SHE: variants seen among roughly 807,000 people sequenced by gnomAD.
The protein encoded by SHE is Src homology 2 domain containing E, also known as SH2 domain-containing adapter protein E.
Under a neutral mutation model 49.8 loss-of-function variants are expected in SHE, and 11 were observed. That is an observed-to-expected ratio of 0.22 (90% CI 0.14 to 0.37). SHE has a LOEUF of 0.37. Ranked by LOEUF, SHE falls within the 10% of genes least tolerant of loss-of-function variation. SHE has a pLI of 1.00. For synonymous variants in SHE, 310 were observed against 278.1 expected (o/e 1.11, Z -1.14); for missense variants, 624 against 655.5 (o/e 0.95, Z 0.52).
At chr1:154,489,414 A>C in intron 2 of SHE, 58 bp from the exon 3 acceptor site, 2 of 1,560,120 alleles carry the variant, frequency 1.3e-6, no homozygotes, top group Non-Finnish European at 1.7e-6. Context: ...CTTGAAAGCA[A>C]AGATGCCATA....
At chr1:154,471,608 T>C (rs1218629956) in intron 1 of SHE, among the ~76,000 whole-genome samples, 1 of 151,976 alleles carries the variant, frequency 6.6e-6, no homozygotes, top group East Asian at 1.9e-4. Flanking sequence ...ACACCACTAG[T>C]TCAGCCATGT....
chr1:154,479,757 T>C lies in SHE; in HGVS notation c.*4392A>G. 1 of 985,442 alleles carries C rather than the reference T, an allele frequency of 1.0e-6. No individual in the cohort carries two copies. The highest frequency in any genetic ancestry group is 1.2e-6 in the Non-Finnish European group (1 of 829,916). 61.0% of individuals were successfully genotyped at this position (985,442 alleles called of 1,614,324 possible). ...CAAAATGAGACGCCTGTTTCAATGA[T>C]TCTGTTGCCAGCATATTAATTAAAA... is the stretch of plus-strand genomic sequence containing the variant. On this transcript the variant is annotated 3_prime_UTR_variant, in exon 6 of 6. Transcript: ENST00000304760.
chr1:154,484,158 C>T lies in SHE; in HGVS notation c.1479G>A (p.Lys493=). ...TTGCAGTGGCTGAATCTTAGTGAAGCTTGCTGTGCACTGGGTAGAGTAAAG... is the reference window on the plus strand; with the variant it reads ...TTGCAGTGGCTGAATCTTAGTGAAGTTTGCTGTGCACTGGGTAGAGTAAAG... The part of the protein sequence containing the change: ...HMTLLYPVHS[K]LH The change falls in exon 6 of 6, where the codon AAG becomes AAA. Residue 493 remains lysine, a synonymous_variant. Coordinates refer to ENST00000304760, the MANE Select transcript of SHE (RefSeq NM_001010846.3). 2 of 1,612,760 alleles carry T rather than the reference C, an allele frequency of 1.2e-6. No individual in the cohort carries two copies. Among genetic ancestry groups the T allele is most frequent in the African/African-American group, 1.3e-5 (1 of 75,038 alleles).
chr1:154,487,808 C>T (rs1692226893), intron 3 of SHE, among the ~76,000 whole-genome samples: 1 of 149,616 alleles, frequency 6.7e-6, no homozygotes, highest in Non-Finnish European at 1.5e-5. Context: ...CATGATCACA[C>T]CAACGCACTC....
intron 3 of SHE, among the ~76,000 whole-genome samples, chr1:154,488,065 G>A (rs1020240331): frequency 2.7e-5 from 4 of 149,598 alleles, no homozygotes; most frequent in African/African-American, 4.9e-5. Context: ...TTAGCTTCTC[G>A]AGCTGTAGCT....
chr1:154,476,960 G>C (rs559179560), downstream of SHE, among the ~76,000 whole-genome samples: 7 of 152,182 alleles, frequency 4.6e-5, no homozygotes, highest in African/African-American at 1.7e-4. Flanking sequence ...TCACAAAGGG[G>C]AAGTAATTCT....
downstream of SHE, among the ~76,000 whole-genome samples, chr1:154,476,636 A>G (rs1457149546): frequency 6.6e-6 from 1 of 152,180 alleles, no homozygotes; most frequent in Non-Finnish European, 1.5e-5. Flanking sequence ...TGTCTCAAAA[A>G]AAAAGTAAAG....
chr1:154,502,032 G>T lies in SHE; in HGVS notation c.-6C>A. Reference sequence around the variant, plus strand: ...GGGGTCGGGGACCACTGCATTCCCCGTGACTGGGGCGCTGGAGGCCGCGGC... The same window carrying T: ...GGGGTCGGGGACCACTGCATTCCCCTTGACTGGGGCGCTGGAGGCCGCGGC... On this transcript the variant is annotated 5_prime_UTR_variant, in exon 1 of 6. Coordinates refer to ENST00000304760, the MANE Select transcript of SHE (RefSeq NM_001010846.3). 9 of 1,310,630 alleles carry T rather than the reference G, an allele frequency of 6.9e-6. No homozygotes were observed. The highest frequency in any genetic ancestry group is 8.7e-6 in the Non-Finnish European group (9 of 1,035,008). 81.2% of individuals were successfully genotyped at this position (1,310,630 alleles called of 1,614,324 possible). A position where few individuals can be genotyped will look rare whatever the true frequency, so the allele number is the denominator to read the frequency against.
Position 154,483,302 on chromosome 1 carries a change from T to C in SHE, c.*847A>G, listed in dbSNP as rs1470947584. On this transcript the variant is annotated 3_prime_UTR_variant, in exon 6 of 6. Coordinates refer to ENST00000304760, the MANE Select transcript of SHE (RefSeq NM_001010846.3). ...TAATCCTTAGGCCACACTCTGAAGT[T>C]GCGGATTTCCATGAACTCCAGAGCT... The C allele has an allele frequency of 1.0e-6, 1 of 985,302 alleles. No homozygotes were observed. Among genetic ancestry groups the C allele is most frequent in the Non-Finnish European group, 1.2e-6 (1 of 829,934 alleles). The allele number at this position is 985,302 out of a possible 1,614,324, so 61.0% of individuals were successfully genotyped here.
intron 2 of SHE, among the ~76,000 whole-genome samples, chr1:154,497,800 C>T (rs888137237): frequency 5.9e-5 from 9 of 152,126 alleles, no homozygotes; most frequent in Non-Finnish European, 1.2e-4. Flanking sequence ...CCTGCCTCAG[C>T]CTCCTGAGCA....
In SHE at chr1:154,481,585, T is replaced by C. The variant is rs1388437062; in HGVS notation, c.*2564A>G. Reference sequence around the variant, plus strand: ...AAATCATTTAGTGCACAAAGAAAAATTGTATAAAGCTTTTAGCATTTATTA... The same window carrying C: ...AAATCATTTAGTGCACAAAGAAAAACTGTATAAAGCTTTTAGCATTTATTA... On this transcript the variant is annotated 3_prime_UTR_variant, in exon 6 of 6. Coordinates refer to ENST00000304760, the MANE Select transcript of SHE (RefSeq NM_001010846.3). 8.1e-6 allele frequency: 8 copies of C among 985,192 alleles called. No homozygotes were observed. Among genetic ancestry groups the C allele is most frequent in the African/African-American group, 1.7e-5 (1 of 57,212 alleles). The allele number at this position is 985,192 out of a possible 1,614,324, so 61.0% of individuals were successfully genotyped here. A position where few individuals can be genotyped will look rare whatever the true frequency, so the allele number is the denominator to read the frequency against.
chr1:154,484,212 C>T lies in SHE; in HGVS notation c.1425G>A (p.Lys475=), dbSNP rs748038756. The T allele has an allele frequency of 9.3e-6, 15 of 1,614,184 alleles. No individual in the cohort carries two copies. The highest frequency in any genetic ancestry group is 1.3e-5 in the Non-Finnish European group (15 of 1,180,028). The change falls in exon 6 of 6, where the codon AAG becomes AAA. Residue 475 remains lysine (K), a synonymous_variant. Transcript: ENST00000304760. ...TGTGTTCTGCCCCTTTGAAAGGCAA[C>T]TTTTCATTGGAATAATAGTGTACCA... ...PEVVHYYSNE[K]LPFKGAEHMT... is the part of the protein sequence containing the mutation.
intron 2 of SHE, among the ~76,000 whole-genome samples, chr1:154,494,212 A>C (rs763726021): frequency 2.0e-5 from 3 of 152,172 alleles, no homozygotes; most frequent in Non-Finnish European, 4.4e-5. Flanking sequence ...ATATTTTCTT[A>C]TTGAATAAAT....
At chr1:154,501,210 CTAGTACATTTCTGCA>C (rs1448030117) in intron 1 of SHE, among the ~76,000 whole-genome samples, 5 of 152,272 alleles carry the variant, frequency 3.3e-5, no homozygotes, top group Admixed American at 3.3e-4. Context: ...AATTCAATGG[CTAGTACATTTCTGCA>C]AAACTCCCCA....
In SHE at chr1:154,495,265, T is replaced by C. The variant is rs1692490499; in HGVS notation, c.718+3847A>G. Among the ~76,000 whole-genome samples the C allele has an allele frequency of 2.0e-5, 3 of 152,240 alleles. 1 individual carries two copies. The South Asian group carries it at 6.2e-4, about 32-fold the overall frequency. ...CTAAAACTCCTAATGCTAGATTATG[T>C]AGAATATTTCTGCCAAATATTTAGC... On this transcript the variant is annotated intron_variant, in intron 2 of 5. Transcript: ENST00000304760.
At chr1:154,485,681 A>C in intron 5 of SHE, 1 of 358,158 alleles carries the variant, frequency 2.8e-6, no homozygotes, top group Admixed American at 3.7e-5. Context: ...CAGATTAGGT[A>C]ATGTAAGGTA....
At position 154,480,081 on chromosome 1, in the gene SHE, T is replaced by C; in HGVS notation, c.*4068A>G. The C allele has an allele frequency of 1.0e-6, 1 of 985,508 alleles. No homozygotes were observed. The highest frequency in any genetic ancestry group is 4.7e-5 in the South Asian group (1 of 21,290). The allele number at this position is 985,508 out of a possible 1,614,324, so 61.0% of individuals were successfully genotyped here. A position where few individuals can be genotyped will look rare whatever the true frequency, so the allele number is the denominator to read the frequency against. On this transcript the variant is annotated 3_prime_UTR_variant, in exon 6 of 6. Coordinates refer to ENST00000304760, the MANE Select transcript of SHE (RefSeq NM_001010846.3). ...AGGGTAAGTTGAACAGAAGGCCCAC[T>C]GCACAGCAGGCCAAGTTTCTCTAGT...
At chr1:154,491,945 A>T (rs1370552068) in intron 2 of SHE, among the ~76,000 whole-genome samples, 1 of 152,128 alleles carries the variant, frequency 6.6e-6, no homozygotes, top group Non-Finnish European at 1.5e-5. Flanking sequence ...GTGAGGAGGA[A>T]GAGGCTCAGG....
chr1:154,489,667 T>C (rs1692304629), intron 2 of SHE, among the ~76,000 whole-genome samples: 1 of 152,264 alleles, frequency 6.6e-6, no homozygotes, highest in South Asian at 2.1e-4. Flanking sequence ...AGTTTGTAAG[T>C]AGTGGCCTCA....
Sources: allele counts gnomAD v4.1 joint callset (sites outside exome capture counted in the v4.1 genomes callset), GRCh38; gene constraint gnomAD v4.1.1; transcripts MANE v1.5; gene names NCBI Gene and HGNC (gene_info 2026-07-23, HGNC 2026-07-21).